The following NASP variants were observed in gnomAD, a reference collection of about 807,000 sequenced individuals.
The protein encoded by NASP is nuclear autoantigenic sperm protein.
NASP carries 24 observed loss-of-function variants against 89.5 expected under a neutral mutation model. The observed-to-expected ratio is 0.27, with a 90% confidence interval of 0.19 to 0.38. NASP has a LOEUF of 0.38. Among genes scored for constraint, NASP ranks in the 10% least tolerant of loss-of-function variants. The pLI is 1.00. For missense variants in NASP, 848 were observed against 921.4 expected, an observed-to-expected ratio of 0.92 and a Z score of 1.03; for synonymous variants, 306 against 324.7, an observed-to-expected ratio of 0.94 and a Z score of 0.62.
At chr1:45,616,268 T>A (rs2356581) in intron 11 of NASP, 69 bp from the exon 12 acceptor site, 1,313,576 of 1,359,156 alleles carry the variant, frequency 0.97, 634,912 homozygotes, top group East Asian at 1. Flanking sequence ...GGTGATGGGT[T>A]CCTGTTACAA....
chr1:45,592,245 A>G (rs750881498), intron 2 of NASP, among the ~76,000 whole-genome samples: 2 of 152,208 alleles, frequency 1.3e-5, no homozygotes, highest in Non-Finnish European at 2.9e-5. Context: ...TTGGCCTCCC[A>G]AAGTGTTGGG....
chr1:45,588,782 C>CAA, intron 1 of NASP: 7 of 245,664 alleles, frequency 2.8e-5, no homozygotes, highest in South Asian at 1.0e-4. Flanking sequence ...ACTAAAAATA[C>CAA]AAAAAAAAAA....
In NASP at chr1:45,584,063, C is replaced by G; in HGVS notation, c.-84C>G. The G allele has an allele frequency of 7.5e-7, 1 of 1,334,350 alleles. No individual in the cohort carries two copies. Among genetic ancestry groups the G allele is most frequent in the Non-Finnish European group, 1.0e-6 (1 of 956,416 alleles). 82.7% of individuals were successfully genotyped at this position (1,334,350 alleles called of 1,614,324 possible). A position where few individuals can be genotyped will look rare whatever the true frequency, so the allele number is the denominator to read the frequency against. ...GGTCTCTAATCTGCCATTTTCTGTC[C>G]CTGAGTGAGTCTCTGGCGTCCCAAA... On this transcript the variant is annotated 5_prime_UTR_variant, in exon 1 of 15. Transcript: ENST00000350030.
At chr1:45,617,621 G>C in intron 14 of NASP, 30 bp downstream of exon 14, 3 of 1,543,306 alleles carry the variant, frequency 1.9e-6, no homozygotes, top group Middle Eastern at 1.8e-4. Flanking sequence ...TTAGCCTCTT[G>C]CCTCATTCCT....
chr1:45,597,419 C>T (rs768761011), intron 2 of NASP, among the ~76,000 whole-genome samples: 4 of 145,100 alleles, frequency 2.8e-5, no homozygotes, highest in Non-Finnish European at 6.0e-5. Flanking sequence ...AACTACATAT[C>T]TGTATCAAGT....
In NASP at chr1:45,584,095, G is replaced by C; in HGVS notation, c.-52G>C. 1 of 1,522,728 alleles carries C rather than the reference G, an allele frequency of 6.6e-7. No homozygotes were observed. The highest frequency in any genetic ancestry group is 8.9e-7 in the Non-Finnish European group (1 of 1,120,400). The allele number at this position is 1,522,728 out of a possible 1,614,324, so 94.3% of individuals were successfully genotyped here. On this transcript the variant is annotated 5_prime_UTR_variant, in exon 1 of 15. Transcript: ENST00000350030. ...GAGTCTCTGGCGTCCCAAATTGCCT[G>C]TTTTTCTCGCAGGCTCTATTCCGTT... is the stretch of plus-strand genomic sequence containing the variant.
chr1:45,603,649 G>T (rs780253323), intron 3 of NASP, among the ~76,000 whole-genome samples: 2 of 106,578 alleles, frequency 1.9e-5, no homozygotes, highest in African/African-American at 7.3e-5. Flanking sequence ...CGCTCTTGTT[G>T]CCCTGGCTGG....
In NASP at chr1:45,618,436, T is replaced by C. The variant is rs1481474164; in HGVS notation, c.*295T>C. The C allele has an allele frequency of 4.4e-6, 1 of 226,376 alleles. No homozygotes were observed. Among genetic ancestry groups the C allele is most frequent in the East Asian group, 9.7e-5 (1 of 10,280 alleles). The allele number at this position is 226,376 out of a possible 1,614,324, so 14.0% of individuals were successfully genotyped here. A position where few individuals can be genotyped will look rare whatever the true frequency, so the allele number is the denominator to read the frequency against. ...GTAGGCCTTTGTTTTCCAATGGTGC[T>C]ATATTCTGTTTTCAAACACTTCACT... On this transcript the variant is annotated 3_prime_UTR_variant, in exon 15 of 15. Coordinates refer to ENST00000350030, the MANE Select transcript of NASP (RefSeq NM_002482.4).
intron 2 of NASP, chr1:45,600,395 TCTG>T (rs1187600229): frequency 1.5e-6 from 2 of 1,292,168 alleles, no homozygotes; most frequent in African/African-American, 3.1e-5. Flanking sequence ...CAACCATTAA[TCTG>T]CTTTCTGTCA....
chr1:45,610,455 T>A (rs1288701567), intron 6 of NASP: 1 of 152,346 alleles, frequency 6.6e-6, no homozygotes, highest in East Asian at 1.9e-4. Flanking sequence ...TTCTGTGCTT[T>A]ATTTCCCTTT....
chr1:45,614,265 G>T, intron 8 of NASP, 28 bp from the exon 9 acceptor site: 2 of 1,608,138 alleles, frequency 1.2e-6, no homozygotes, highest in Non-Finnish European at 1.7e-6. Flanking sequence ...GTACTGTTAA[G>T]GTTTTTGATC....
chr1:45,600,011 A>G (rs1162560597), intron 2 of NASP, among the ~76,000 whole-genome samples: 2 of 118,220 alleles, frequency 1.7e-5, no homozygotes, highest in Non-Finnish European at 3.2e-5. Flanking sequence ...TCAATTTGAC[A>G]TTGTCCCTGT....
intron 14 of NASP, 146 bp from the exon 15 acceptor site, chr1:45,617,915 A>C: frequency 1.5e-6 from 1 of 689,158 alleles, no homozygotes; most frequent in South Asian, 1.9e-5. Context: ...TTCAAGAAAT[A>C]CTTTGTGGTC....
chr1:45,595,009 T>G (rs950373144), intron 2 of NASP, among the ~76,000 whole-genome samples: 1 of 152,070 alleles, frequency 6.6e-6, no homozygotes, highest in Non-Finnish European at 1.5e-5. Context: ...TTTTCCCCCC[T>G]TGAGTCAGGG....
At chr1:45,595,025 C>T (rs979789823) in intron 2 of NASP, among the ~76,000 whole-genome samples, 2 of 151,892 alleles carry the variant, frequency 1.3e-5, no homozygotes, top group African/African-American at 4.8e-5. Flanking sequence ...CAGGGTATTG[C>T]TCAGCCACTC....
At chr1:45,593,204 T>G (rs2148335007) in intron 2 of NASP, among the ~76,000 whole-genome samples, 1 of 152,196 alleles carries the variant, frequency 6.6e-6, no homozygotes, top group East Asian at 1.9e-4. Context: ...GAATCCAATT[T>G]TTATGAAATA....
intron 6 of NASP, chr1:45,609,527 A>C (rs916120484): frequency 6.6e-6 from 1 of 152,096 alleles, no homozygotes; most frequent in Non-Finnish European, 1.5e-5. Context: ...CACACACACA[A>C]AAAAACAAAA....
chr1:45,606,468 T>C lies in NASP; in HGVS notation c.300-14T>C, dbSNP rs778325021. 1.3e-6 allele frequency: 2 copies of C among 1,597,950 alleles called. No homozygotes were observed. The highest frequency in any genetic ancestry group is 3.3e-5 in the Admixed American group (2 of 59,858). ...TAGCCATCAAACCTTTGGTGCTTTC[T>C]TTTGTTCTCCTAGAATGGAGAATGG... is the stretch of plus-strand genomic sequence containing the variant. On this transcript the variant is annotated splice_polypyrimidine_tract_variant and intron_variant, in intron 4 of 14. Coordinates refer to ENST00000350030, the MANE Select transcript of NASP (RefSeq NM_002482.4).
intron 9 of NASP, 116 bp downstream of exon 9, chr1:45,614,482 G>T: frequency 1.3e-6 from 1 of 797,064 alleles, no homozygotes. Flanking sequence ...GTTCCCTGTA[G>T]ACCCTGGAAC....
Sources: gnomAD v4.1 joint callset for allele counts (sites outside exome capture counted in the v4.1 genomes callset) on GRCh38, gnomAD v4.1.1 for gene constraint, MANE v1.5 for transcripts, NCBI Gene and HGNC (gene_info 2026-07-23, HGNC 2026-07-21) for gene names.